UNC13B: variants seen among roughly 807,000 people sequenced by gnomAD.
UNC13B encodes the protein protein unc-13 homolog B.
Under a neutral mutation model 211.0 loss-of-function variants are expected in UNC13B, and 144 were observed. The ratio of observed to expected loss-of-function variants is 0.68; its 90% CI spans 0.60 to 0.78. The LOEUF is 0.78. Ranked by LOEUF, UNC13B falls within the 30% of genes least tolerant of loss-of-function variation. The pLI, the probability that UNC13B is intolerant of heterozygous loss-of-function variation, is 0.00. For synonymous variants in UNC13B, 709 were observed against 725.8 expected (o/e 0.98, Z 0.37); for missense variants, 1,777 against 2,002.0 (o/e 0.89, Z 2.14).
At chr9:35,314,731 A>G (rs569138329) in intron 11 of UNC13B, among the ~76,000 whole-genome samples, 1 of 151,598 alleles carries the variant, frequency 6.6e-6, no homozygotes, top group Admixed American at 6.6e-5. Flanking sequence ...ATTATTCCAC[A>G]CTCTAAATCC....
intron 7 of UNC13B, among the ~76,000 whole-genome samples, chr9:35,261,252 C>T (rs952742210): frequency 6.6e-6 from 1 of 152,088 alleles, no homozygotes; most frequent in African/African-American, 2.4e-5. Context: ...CACAAAAATA[C>T]AAGTATTTTC....
At chr9:35,224,992 T>TA (rs200746214) in intron 1 of UNC13B, among the ~76,000 whole-genome samples, 104 of 142,684 alleles carry the variant, frequency 7.3e-4, no homozygotes, top group Admixed American at 8.4e-4. Flanking sequence ...CCCTTCATCA[T>TA]AAAAAAAAAA....
chr9:35,292,262 C>T (rs75979128), intron 7 of UNC13B, among the ~76,000 whole-genome samples: 1 of 152,188 alleles, frequency 6.6e-6, no homozygotes, highest in South Asian at 2.1e-4. Flanking sequence ...GTTTGAGTGC[C>T]TGCTGTGTGC....
chr9:35,218,681 G>T (rs1319780908), intron 1 of UNC13B, among the ~76,000 whole-genome samples: 1 of 151,902 alleles, frequency 6.6e-6, no homozygotes, highest in East Asian at 1.9e-4. Context: ...ATAGCCGTGA[G>T]CCACCGCGTC....
At chr9:35,385,287 A>G in intron 22 of UNC13B, 1 of 985,482 alleles carries the variant, frequency 1.0e-6, no homozygotes, top group African/African-American at 1.7e-5. Context: ...TTGTACAAAA[A>G]GTACAGGTCC....
intron 26 of UNC13B, among the ~76,000 whole-genome samples, chr9:35,392,920 G>A (rs903236622): frequency 6.6e-6 from 1 of 151,988 alleles, no homozygotes. Context: ...AATACAATAA[G>A]ACCACTTTAA....
In UNC13B at chr9:35,293,564, G is replaced by C. The variant is rs963696050; in HGVS notation, c.527-2132G>C. Among the ~76,000 whole-genome samples the C allele has an allele frequency of 2.6e-5, 4 of 152,118 alleles. No individual in the cohort carries two copies. In the East Asian group the frequency reaches 7.7e-4, roughly 29 times the overall value. ...CTGTATGCATGAATAGTCCAGCACT[G>C]ACTTCTACAGACTTGCTCTTTCTGT... On this transcript the variant is annotated intron_variant, in intron 7 of 39. Transcript: ENST00000635942.
At chr9:35,318,892 G>C (rs139529969) in intron 11 of UNC13B, among the ~76,000 whole-genome samples, 214 of 152,234 alleles carry the variant, frequency 1.4e-3, no homozygotes, top group Non-Finnish European at 2.5e-3. Context: ...AAGGAGTTTT[G>C]CTTTAAAGTT....
Position 35,376,055 on chromosome 9 carries a change from C to T in UNC13B, c.9643C>T (p.Gln3215Ter). The T allele has an allele frequency of 6.2e-7, 1 of 1,614,212 alleles. No individual in the cohort carries two copies. The highest frequency in any genetic ancestry group is 8.5e-7 in the Non-Finnish European group (1 of 1,180,024). Residue 3215 changes from glutamine to a stop codon, truncating the protein, a stop_gained, in exon 15 of 40, where the codon CAG becomes TAG. Transcript: ENST00000635942. LOFTEE classifies it high-confidence loss of function. ...LKSHVYKKTL[Q>*]ALIYPISCTT... is the part of the protein sequence containing the mutation. ...ATCCCACGTGTATAAGAAAACCCTG[C>T]AGGCCTTAATCTACCCCATTTCGTG...
intron 20 of UNC13B, 40 bp from the exon 21 acceptor site, chr9:35,382,317 C>T (rs1415147127): frequency 6.3e-7 from 1 of 1,587,628 alleles, no homozygotes; most frequent in African/African-American, 1.4e-5. Flanking sequence ...TGCTGCAAGC[C>T]CTGAAGAGTC....
chr9:35,398,718 C>T, intron 32 of UNC13B, 76 bp downstream of exon 32: 1 of 1,573,434 alleles, frequency 6.4e-7, no homozygotes, highest in South Asian at 1.1e-5. Context: ...TGCCCCACAC[C>T]TCTCCATATA....
chr9:35,387,550 G>T (rs1198789801), intron 24 of UNC13B, among the ~76,000 whole-genome samples: 1 of 152,206 alleles, frequency 6.6e-6, no homozygotes, highest in African/African-American at 2.4e-5. Flanking sequence ...TGTCTATGAA[G>T]TCTCTGGTTG....
intron 1 of UNC13B, among the ~76,000 whole-genome samples, chr9:35,198,388 T>C (rs1427191503): frequency 6.6e-6 from 1 of 152,230 alleles, no homozygotes; most frequent in Non-Finnish European, 1.5e-5. Flanking sequence ...CCTTCTGCCA[T>C]GATCATACGT....
chr9:35,386,088 G>T (rs1343754951), intron 23 of UNC13B, 77 bp from the exon 24 acceptor site: 1 of 1,593,582 alleles, frequency 6.3e-7, no homozygotes, highest in African/African-American at 1.3e-5. Flanking sequence ...TCTAGAGTAG[G>T]TTTGGGGTAG....
intron 1 of UNC13B, among the ~76,000 whole-genome samples, chr9:35,178,882 C>T (rs576463451): frequency 2.8e-3 from 231 of 82,594 alleles, no homozygotes; most frequent in Non-Finnish European, 4.1e-3. Flanking sequence ...AGTGAGACAG[C>T]CTCAAAAAAA....
intron 11 of UNC13B, among the ~76,000 whole-genome samples, chr9:35,327,251 A>T (rs922394968): frequency 6.6e-6 from 1 of 152,212 alleles, no homozygotes; most frequent in African/African-American, 2.4e-5. Context: ...TGTATATATA[A>T]AAGGGACTTT....
intron 1 of UNC13B, among the ~76,000 whole-genome samples, chr9:35,204,794 A>C: frequency 6.6e-6 from 1 of 152,230 alleles, no homozygotes; most frequent in Non-Finnish European, 1.5e-5. Context: ...CTTGTCTCAG[A>C]TGTCACTTTG....
In UNC13B at chr9:35,375,029, A is replaced by G. The variant is rs988515423; in HGVS notation, c.9541-98A>G. The G allele has an allele frequency of 1.1e-5, 13 of 1,153,550 alleles. No individual in the cohort carries two copies. In the African/African-American group the frequency reaches 1.8e-4, roughly 16 times the overall value. The allele number at this position is 1,153,550 out of a possible 1,614,324, so 71.5% of individuals were successfully genotyped here. On this transcript the variant is annotated intron_variant, in intron 13 of 39. Transcript: ENST00000635942. The stretch of plus-strand genomic sequence containing the variant: ...CAATAAAAATAGAAAGTACTGTAGT[A>G]AGCTATAGTCAAGTGGCTTTGGTCA...
intron 1 of UNC13B, among the ~76,000 whole-genome samples, chr9:35,173,094 AGG>A (rs1240188706): frequency 1.3e-5 from 2 of 152,166 alleles, no homozygotes; most frequent in African/African-American, 2.4e-5. Flanking sequence ...AAGAGGTTAG[AGG>A]GCAGGGAGGG....
Sources: gnomAD v4.1 joint callset for allele counts (sites outside exome capture counted in the v4.1 genomes callset) on GRCh38, gnomAD v4.1.1 for gene constraint, MANE v1.5 for transcripts, NCBI Gene and HGNC (gene_info 2026-07-23, HGNC 2026-07-21) for gene names.